Variants in AVEN observed in about 807,000 individuals in gnomAD.
The protein encoded by AVEN is cell death regulator Aven.
In AVEN, 41 loss-of-function variants were observed where a neutral mutation model predicts 38.1. The observed-to-expected ratio is 1.08, with a 90% confidence interval of 0.84 to 1.40. AVEN has a LOEUF of 1.40. Ranked by LOEUF, AVEN falls within the 40% of genes most tolerant of loss-of-function variation. AVEN has a pLI of 0.00. For missense variants in AVEN, 605 were observed against 438.8 expected (o/e 1.38, Z -3.38); for synonymous variants, 206 against 171.8 (o/e 1.20, Z -1.56).
intron 2 of AVEN, among the ~76,000 whole-genome samples, chr15:33,906,266 C>G (rs1053844568): frequency 3.3e-5 from 5 of 152,138 alleles, no homozygotes; most frequent in African/African-American, 1.2e-4. Context: ...GACCCACAAG[C>G]CCTCCATACC....
upstream of AVEN, among the ~76,000 whole-genome samples, chr15:34,043,671 G>T (rs1899572682): frequency 6.6e-6 from 1 of 152,098 alleles, no homozygotes. Flanking sequence ...TGACTTGAAG[G>T]GCTGGAGTCA....
chr15:33,858,047 T>G, downstream of AVEN: 1 of 1,186,390 alleles, frequency 8.4e-7, no homozygotes, highest in Non-Finnish European at 1.2e-6. Flanking sequence ...CAGCAGAGAT[T>G]AAAGTAGAAG....
chr15:33,906,030 G>A (rs568171882), intron 2 of AVEN, among the ~76,000 whole-genome samples: 4 of 152,214 alleles, frequency 2.6e-5, no homozygotes, highest in Admixed American at 1.3e-4. Context: ...ATGAAGGCAT[G>A]CATTAAGTTG....
intron 2 of AVEN, among the ~76,000 whole-genome samples, chr15:33,929,137 T>C (rs1228876042): frequency 6.6e-6 from 1 of 152,158 alleles, no homozygotes; most frequent in Non-Finnish European, 1.5e-5. Context: ...AGTTGGAGAA[T>C]GGGGTGCCTG....
intron 3 of AVEN, among the ~76,000 whole-genome samples, chr15:33,871,747 C>T (rs554525536): frequency 3.0e-5 from 4 of 135,404 alleles, no homozygotes; most frequent in African/African-American, 8.5e-5. Flanking sequence ...ACAGGTGTTG[C>T]GAAGGTTTCA....
At chr15:34,027,336 G>A (rs899517229) in intron 1 of AVEN, among the ~76,000 whole-genome samples, 6 of 151,888 alleles carry the variant, frequency 4.0e-5, no homozygotes, top group African/African-American at 7.3e-5. Context: ...CCAACATGGC[G>A]AAACTCTGTC....
chr15:33,879,675 T>C (rs1422689364), intron 2 of AVEN, among the ~76,000 whole-genome samples: 3 of 152,166 alleles, frequency 2.0e-5, no homozygotes, highest in African/African-American at 7.2e-5. Context: ...AAATAAGACT[T>C]TTTCAGACAT....
intron 3 of AVEN, among the ~76,000 whole-genome samples, chr15:33,875,237 G>C (rs1399586658): frequency 6.6e-6 from 1 of 152,198 alleles, no homozygotes; most frequent in South Asian, 2.1e-4. Flanking sequence ...ATGGTAATCA[G>C]TTTATCAGAC....
At chr15:34,062,573 AAC>A in intron 5 of AVEN, 3 of 713,594 alleles carry the variant, frequency 4.2e-6, no homozygotes, top group African/African-American at 1.8e-5. Context: ...AAAAAAAAAA[AAC>A]TATAAACAAT....
downstream of AVEN, chr15:33,857,683 C>A: frequency 2.0e-6 from 3 of 1,490,376 alleles, no homozygotes; most frequent in South Asian, 1.3e-5. Context: ...CCTTGCCCGT[C>A]CTCACTCTTC....
chr15:34,023,368 G>A (rs945602888), intron 1 of AVEN, among the ~76,000 whole-genome samples: 7 of 152,098 alleles, frequency 4.6e-5, no homozygotes, highest in African/African-American at 1.7e-4. Flanking sequence ...ACCTCATCTT[G>A]GCCGAGTCCT....
chr15:33,992,465 C>T (rs61134341), intron 2 of AVEN, among the ~76,000 whole-genome samples: 13 of 152,162 alleles, frequency 8.5e-5, no homozygotes, highest in South Asian at 2.1e-4. Context: ...TTTTTGTTAT[C>T]GGAGTTTTCC....
At chr15:33,853,076 G>A in the AVEN span, 1 of 1,600,892 alleles carries the variant, frequency 6.2e-7, no homozygotes, top group Non-Finnish European at 8.5e-7. Flanking sequence ...GGACAAGTTT[G>A]TAAAGAGAAA....
intron 4 of AVEN, among the ~76,000 whole-genome samples, chr15:33,869,563 A>G (rs1890847226): frequency 6.6e-6 from 1 of 152,094 alleles, no homozygotes; most frequent in African/African-American, 2.4e-5. Flanking sequence ...ACACCCCCAA[A>G]TGTTTCCAAA....
At chr15:33,947,419 T>TA (rs1894549082) in intron 2 of AVEN, among the ~76,000 whole-genome samples, 3 of 152,154 alleles carry the variant, frequency 2.0e-5, no homozygotes, top group Admixed American at 1.3e-4. Context: ...AAGAAAAAGA[T>TA]AAGCAAAATA....
At position 34,051,799 on chromosome 15, in the gene AVEN, A is replaced by C. The variant is rs1899932898; in HGVS notation, n.1637+11123T>G. On this transcript the variant is annotated intron_variant and non_coding_transcript_variant, in intron 5 of 11. Coordinates refer to the AVEN transcript ENST00000675287. ...CCAAGACTGAACCAAGAAGAAACTG[A>C]ATCCCTTAATAGACCAATAATGAGT... Among the ~76,000 whole-genome samples the C allele has an allele frequency of 4.6e-5, 7 of 152,234 alleles. No individual in the cohort carries two copies. The South Asian group carries it at 1.0e-3, about 23-fold the overall frequency.
chr15:33,864,306 T>C (rs1191709301), downstream of AVEN: 3 of 767,964 alleles, frequency 3.9e-6, no homozygotes, highest in African/African-American at 1.8e-5. Context: ...GTGAATGCAT[T>C]TTCCCATCAC....
rs532473798 is a variant in AVEN, at chr15:34,069,534, G to A, written n.784+1054C>T. 1.5e-4 allele frequency among the ~76,000 whole-genome samples: 23 copies of A among 152,214 alleles called. No homozygotes were observed. In the East Asian group the frequency reaches 3.9e-3, roughly 26 times the overall value. On this transcript the variant is annotated intron_variant and non_coding_transcript_variant, in intron 2 of 11. Transcript: ENST00000675287. The stretch of plus-strand genomic sequence containing the variant: ...TAGATTCCATTTAATTGTTTTTGGG[G>A]GGCCAAGAATATCACAATGCGTTAC...
chr15:33,885,966 T>C (rs1305267256), intron 2 of AVEN, among the ~76,000 whole-genome samples: 1 of 151,964 alleles, frequency 6.6e-6, no homozygotes, highest in Non-Finnish European at 1.5e-5. Context: ...AAGATGAGAG[T>C]AGATGACTTG....
Sources: gnomAD v4.1 joint callset for allele counts (sites outside exome capture counted in the v4.1 genomes callset) on GRCh38, gnomAD v4.1.1 for gene constraint, MANE v1.5 for transcripts, NCBI Gene and HGNC (gene_info 2026-07-23, HGNC 2026-07-21) for gene names.